The following RBM27 variants were observed in gnomAD, a reference collection of about 807,000 sequenced individuals.
RBM27 encodes RNA-binding protein 27.
RBM27 carries 22 observed loss-of-function variants against 135.3 expected under a neutral mutation model. The ratio of observed to expected loss-of-function variants is 0.16; its 90% CI spans 0.12 to 0.23. RBM27 has a LOEUF of 0.23. RBM27 is among the 10% of genes least tolerant of loss of function. RBM27 has a pLI of 1.00. For synonymous variants in RBM27, 481 were observed against 442.4 expected, an observed-to-expected ratio of 1.09 and a Z score of -1.10; for missense variants, 1,009 against 1,281.0, an observed-to-expected ratio of 0.79 and a Z score of 3.24.
chr5:146,229,972 T>C, intron 5 of RBM27, 62 bp downstream of exon 5: 1 of 1,571,936 alleles, frequency 6.4e-7, no homozygotes. Context: ...ATCACAGGGG[T>C]GCAAGAAATT....
chr5:146,220,489 A>AT (rs534092920), intron 2 of RBM27, among the ~76,000 whole-genome samples: 9,692 of 104,060 alleles, frequency 0.093, 390 homozygotes, highest in South Asian at 0.16. Flanking sequence ...AAAAAAAAAA[A>AT]ATATATATAT....
rs1758866944 is a variant in RBM27, at chr5:146,271,588, C to T, written c.2902C>T (p.His968Tyr). Residue 968 changes from histidine to tyrosine, a missense_variant, in exon 19 of 21, where the codon CAC (histidine) becomes TAC (tyrosine). This residue lies in a region of RBM27 where 355 missense variants were observed against 427.3 expected (regional missense o/e 0.83). Transcript: ENST00000265271. ...RGGRGRGSLN[H>Y]MVVDHRPKAL... ...AGGAAGAGGAAGGGGCTCACTAAATCACATGGTGGTGGACCATCGTCCCAA... is the reference window on the plus strand; with the variant it reads ...AGGAAGAGGAAGGGGCTCACTAAATTACATGGTGGTGGACCATCGTCCCAA... The T allele has an allele frequency of 6.2e-7, 1 of 1,613,582 alleles. No homozygotes were observed. The highest frequency in any genetic ancestry group is 8.5e-7 in the Non-Finnish European group (1 of 1,179,672).
At position 146,237,359 on chromosome 5, in the gene RBM27, G is replaced by A. The variant is rs777757617; in HGVS notation, c.1206G>A (p.Val402=). 1.9e-6 allele frequency: 3 copies of A among 1,614,106 alleles called. No homozygotes were observed. Among genetic ancestry groups the A allele is most frequent in the East Asian group, 2.2e-5 (1 of 44,868 alleles). Residue 402 remains valine, a synonymous_variant, in exon 8 of 21, where the codon GTG becomes GTA. Transcript: ENST00000265271. The stretch of plus-strand genomic sequence containing the variant: ...GTGACCAGCCTGGGACAAGTGCAGT[G>A]CCCAATCTTGCATCAGTGGGAACAA... ...NSRDQPGTSA[V]PNLASVGTRL...
chr5:146,277,279 T>C (rs1038390816), intron 19 of RBM27, among the ~76,000 whole-genome samples: 4 of 152,176 alleles, frequency 2.6e-5, no homozygotes, highest in African/African-American at 4.8e-5. Flanking sequence ...GTCATATGTA[T>C]ACATACTACC....
At chr5:146,222,500 A>G (rs775523633) in intron 2 of RBM27, among the ~76,000 whole-genome samples, 2 of 152,168 alleles carry the variant, frequency 1.3e-5, no homozygotes, top group Admixed American at 6.5e-5. Context: ...CTTGGCCAAC[A>G]TGGTGAAACC....
chr5:146,254,528 C>A (rs1581204934), intron 9 of RBM27, among the ~76,000 whole-genome samples: 1 of 147,404 alleles, frequency 6.8e-6, no homozygotes, highest in South Asian at 2.1e-4. Context: ...TCTGCAGATT[C>A]AACCAACTAC....
chr5:146,206,634 G>C (rs889532222), intron 1 of RBM27, among the ~76,000 whole-genome samples: 2 of 151,888 alleles, frequency 1.3e-5, no homozygotes, highest in African/African-American at 4.8e-5. Context: ...AGGCTGGAAT[G>C]TGGTGGTGCA....
intron 11 of RBM27, among the ~76,000 whole-genome samples, chr5:146,260,009 AAT>A (rs1758316630): frequency 7.4e-6 from 1 of 135,098 alleles, no homozygotes; most frequent in African/African-American, 2.7e-5. Context: ...AAAAAAAAAG[AAT>A]AATGTTGGCC....
intron 8 of RBM27, among the ~76,000 whole-genome samples, chr5:146,238,682 C>T (rs1757272647): frequency 6.8e-6 from 1 of 148,086 alleles, no homozygotes; most frequent in Non-Finnish European, 1.5e-5. Context: ...TTTACAAGGC[C>T]TGGTAACTTT....
intron 19 of RBM27, among the ~76,000 whole-genome samples, chr5:146,274,526 C>T (rs1759009237): frequency 6.6e-6 from 1 of 152,214 alleles, no homozygotes; most frequent in African/African-American, 2.4e-5. Flanking sequence ...GCGTTGGCCT[C>T]CCAAAGTGCT....
intron 8 of RBM27, among the ~76,000 whole-genome samples, chr5:146,248,966 G>T (rs1379689282): frequency 6.6e-6 from 1 of 152,022 alleles, no homozygotes; most frequent in Non-Finnish European, 1.5e-5. Context: ...ATATATGTAT[G>T]TATTTCTATT....
In RBM27 at chr5:146,288,778, C is replaced by A. The variant is rs57654378; in HGVS notation, c.*2748C>A. The A allele has an allele frequency of 4.3e-4, 66 of 152,088 alleles. 1 individual carries two copies. Among genetic ancestry groups the A allele is most frequent in the African/African-American group, 1.6e-3 (65 of 41,516 alleles). The allele number at this position is 152,088 out of a possible 1,614,324, so 9.4% of individuals were successfully genotyped here. A position where few individuals can be genotyped will look rare whatever the true frequency, so the allele number is the denominator to read the frequency against. ...GGTAACCCCAAGTATTGCAAAATTT[C>A]CCTCAATTTCTTTATGTAACATTGA... On this transcript the variant is annotated 3_prime_UTR_variant, in exon 21 of 21. Transcript: ENST00000265271.
chr5:146,277,834 A>G (rs1759160216), intron 19 of RBM27, among the ~76,000 whole-genome samples: 1 of 151,874 alleles, frequency 6.6e-6, no homozygotes, highest in African/African-American at 2.4e-5. Flanking sequence ...CGCCTGGCCA[A>G]TAATTTTTCA....
chr5:146,228,912 C>G, intron 3 of RBM27, 34 bp from the exon 4 acceptor site: 1 of 1,582,786 alleles, frequency 6.3e-7, no homozygotes, highest in South Asian at 1.1e-5. Context: ...CGTGCCTGGC[C>G]CTGCTCTTAC....
intron 11 of RBM27, among the ~76,000 whole-genome samples, 157 bp from the exon 12 acceptor site, chr5:146,260,588 T>C (rs1172653427): frequency 1.3e-5 from 2 of 152,210 alleles, no homozygotes; most frequent in Non-Finnish European, 2.9e-5. Flanking sequence ...ATGTTTCATA[T>C]GATTTTGAAG....
intron 20 of RBM27, among the ~76,000 whole-genome samples, chr5:146,285,280 A>G (rs910129431): frequency 1.3e-5 from 2 of 152,152 alleles, no homozygotes; most frequent in African/African-American, 4.8e-5. Flanking sequence ...TTTAGTGAAC[A>G]CTTAGGCTAT....
intron 19 of RBM27, 149 bp from the exon 20 acceptor site, chr5:146,284,473 A>G: frequency 6.4e-6 from 4 of 626,626 alleles, no homozygotes; most frequent in Non-Finnish European, 1.1e-5. Flanking sequence ...AAGGGACTTT[A>G]TTTTTTTTAG....
At chr5:146,251,610 A>T in intron 8 of RBM27, 101 bp from the exon 9 acceptor site, 1 of 1,163,016 alleles carries the variant, frequency 8.6e-7, no homozygotes, top group Non-Finnish European at 1.2e-6. Flanking sequence ...CTGTTGGTTT[A>T]ATTTCTCTGT....
chr5:146,254,835 T>G, intron 9 of RBM27, 108 bp from the exon 10 acceptor site: 1 of 1,002,534 alleles, frequency 1.0e-6, no homozygotes, highest in Non-Finnish European at 1.4e-6. Context: ...GTTGATGTAT[T>G]TGTTGGAGAA....
Sources: allele counts gnomAD v4.1 joint callset (sites outside exome capture counted in the v4.1 genomes callset), GRCh38; gene constraint gnomAD v4.1.1; regional missense constraint gnomAD v4.1.1; transcripts MANE v1.5; gene names NCBI Gene and HGNC (gene_info 2026-07-23, HGNC 2026-07-21).